Variants in KHDRBS2 observed in about 807,000 individuals in gnomAD.
KHDRBS2 encodes the protein KH RNA binding domain containing, signal transduction associated 2, also known as KH domain-containing, RNA-binding, signal transduction-associated protein 2.
In KHDRBS2, 26 loss-of-function variants were observed where a neutral mutation model predicts 44.3. The observed-to-expected ratio is 0.59, with a 90% CI of 0.43 to 0.81. The LOEUF (loss-of-function observed/expected upper bound fraction) is 0.81, where lower values mean the gene tolerates loss of function less well. KHDRBS2 is among the 40% of genes least tolerant of loss of function. The probability of loss-of-function intolerance (pLI) is 0.00; values close to 1 mark genes in which losing one functional copy is unlikely to be tolerated. For missense variants in KHDRBS2, 476 were observed against 433.1 expected, an observed-to-expected ratio of 1.10 and a Z score of -0.88; for synonymous variants, 194 against 151.1, an observed-to-expected ratio of 1.28 and a Z score of -2.08.
In KHDRBS2 at chr6:61,787,310, G is replaced by T. The variant is rs1241604773; in HGVS notation, c.811-54546C>A. Among the ~76,000 whole-genome samples, 6 of 151,558 alleles carry T rather than the reference G, an allele frequency of 4.0e-5. No individual in the cohort carries two copies. In the South Asian group the frequency reaches 6.2e-4, roughly 16 times the overall value. ...TAGAAATAAAATTAACTGCCAAAGG[G>T]TGTCCATCTCTATTTAATATAAAAC... On this transcript the variant is annotated intron_variant, in intron 6 of 8. Coordinates refer to ENST00000281156, the MANE Select transcript of KHDRBS2 (RefSeq NM_152688.4).
intron 7 of KHDRBS2, among the ~76,000 whole-genome samples, chr6:61,707,553 C>A (rs1314056622): frequency 2.0e-5 from 3 of 151,652 alleles, no homozygotes; most frequent in Non-Finnish European, 4.4e-5. Flanking sequence ...TAGTTAAATG[C>A]AAAATTACAG....
At chr6:61,551,558 G>A in the KHDRBS2 span, among the ~76,000 whole-genome samples, 2 of 152,016 alleles carry the variant, frequency 1.3e-5, no homozygotes, top group African/African-American at 4.8e-5. Flanking sequence ...TAAGGGTGGG[G>A]TCCAGTTTCA....
intron 2 of KHDRBS2, among the ~76,000 whole-genome samples, chr6:62,133,488 A>G (rs1025403406): frequency 3.3e-5 from 5 of 152,198 alleles, no homozygotes; most frequent in African/African-American, 1.2e-4. Context: ...TCCTTTATAA[A>G]TTGCCCAGTC....
chr6:62,065,730 A>C (rs1454759715), intron 2 of KHDRBS2, among the ~76,000 whole-genome samples: 2 of 150,766 alleles, frequency 1.3e-5, no homozygotes, highest in Non-Finnish European at 3.0e-5. Context: ...ACATGTATAC[A>C]TATGTAACTA....
chr6:61,915,711 C>T (rs1806869687), intron 4 of KHDRBS2, among the ~76,000 whole-genome samples: 1 of 151,992 alleles, frequency 6.6e-6, no homozygotes, highest in African/African-American at 2.4e-5. Flanking sequence ...ATACTATCAA[C>T]AAACCCTCTC....
At chr6:61,734,216 T>G (rs1314608504) in intron 6 of KHDRBS2, among the ~76,000 whole-genome samples, 1 of 152,164 alleles carries the variant, frequency 6.6e-6, no homozygotes, top group East Asian at 1.9e-4. Flanking sequence ...TTTCATTATA[T>G]TTTTGCTCTG....
chr6:61,642,660 C>CA, the KHDRBS2 span, among the ~76,000 whole-genome samples: 2,524 of 134,782 alleles, frequency 0.019, 57 homozygotes, highest in African/African-American at 0.057. Flanking sequence ...GACTCCACAT[C>CA]AAAAAAAAAA....
chr6:61,558,598 G>A, the KHDRBS2 span, among the ~76,000 whole-genome samples: 1 of 151,948 alleles, frequency 6.6e-6, no homozygotes, highest in African/African-American at 2.4e-5. Context: ...ATATCTCATA[G>A]GTTTTAGTAT....
the KHDRBS2 span, among the ~76,000 whole-genome samples, chr6:61,641,746 C>A: frequency 6.6e-6 from 1 of 152,006 alleles, no homozygotes; most frequent in Non-Finnish European, 1.5e-5. Flanking sequence ...TCTGTACTTA[C>A]AATATGTTTA....
At chr6:61,691,727 G>A (rs1166014007) in intron 8 of KHDRBS2, among the ~76,000 whole-genome samples, 1 of 152,052 alleles carries the variant, frequency 6.6e-6, no homozygotes, top group Non-Finnish European at 1.5e-5. Flanking sequence ...ACAACTGCCA[G>A]TTAACTTCAT....
At chr6:62,250,319 A>C (rs1836305994) in intron 1 of KHDRBS2, among the ~76,000 whole-genome samples, 1 of 152,156 alleles carries the variant, frequency 6.6e-6, no homozygotes, top group African/African-American at 2.4e-5. Context: ...ACTTTAGTAC[A>C]CAACTCGCTT....
intron 7 of KHDRBS2, among the ~76,000 whole-genome samples, chr6:61,729,549 C>T (rs1774105545): frequency 6.6e-6 from 1 of 152,086 alleles, no homozygotes; most frequent in South Asian, 2.1e-4. Flanking sequence ...GTTTTACATC[C>T]CTATCAGCAA....
chr6:62,195,752 A>C (rs1315562350), intron 1 of KHDRBS2, among the ~76,000 whole-genome samples: 1 of 152,182 alleles, frequency 6.6e-6, no homozygotes, highest in Non-Finnish European at 1.5e-5. Flanking sequence ...AGCTAAAAAA[A>C]GTCAGTGAAT....
intron 3 of KHDRBS2, among the ~76,000 whole-genome samples, chr6:62,012,095 C>T (rs1780405792): frequency 7.0e-6 from 1 of 143,736 alleles, no homozygotes; most frequent in Non-Finnish European, 1.6e-5. Context: ...CAATCCCCTT[C>T]TTGACGAGTC....
chr6:61,836,686 G>T (rs1272029222), intron 6 of KHDRBS2, among the ~76,000 whole-genome samples: 1 of 151,924 alleles, frequency 6.6e-6, no homozygotes, highest in Non-Finnish European at 1.5e-5. Flanking sequence ...ATTTAGTAAG[G>T]ATGAAGTGTC....
At chr6:61,640,882 G>T in the KHDRBS2 span, among the ~76,000 whole-genome samples, 4 of 152,060 alleles carry the variant, frequency 2.6e-5, no homozygotes, top group Admixed American at 6.6e-5. Context: ...CAGATGAATT[G>T]GTGATTTCAA....
chr6:61,579,517 C>A, the KHDRBS2 span, among the ~76,000 whole-genome samples: 1 of 152,012 alleles, frequency 6.6e-6, no homozygotes, highest in Non-Finnish European at 1.5e-5. Flanking sequence ...CTCAGTAATG[C>A]AGAAGAGATA....
chr6:62,223,736 C>A (rs1162636560), intron 1 of KHDRBS2, among the ~76,000 whole-genome samples: 1 of 152,146 alleles, frequency 6.6e-6, no homozygotes, highest in African/African-American at 2.4e-5. Flanking sequence ...CCACAAATCT[C>A]TAGGGCAAGG....
chr6:61,654,927 T>C, the KHDRBS2 span, among the ~76,000 whole-genome samples: 2 of 151,664 alleles, frequency 1.3e-5, no homozygotes, highest in African/African-American at 4.8e-5. Flanking sequence ...CTTCTACCTT[T>C]TTCTCAATCT....
Sources: gnomAD v4.1 joint callset for allele counts (sites outside exome capture counted in the v4.1 genomes callset) on GRCh38, gnomAD v4.1.1 for gene constraint, MANE v1.5 for transcripts, NCBI Gene and HGNC (gene_info 2026-07-23, HGNC 2026-07-21) for gene names.